Variants in CUL4B observed in about 807,000 individuals in gnomAD.
CUL4B encodes cullin 4B.
In CUL4B, 1 loss-of-function variant was observed where a neutral mutation model predicts 69.2. The ratio of observed to expected loss-of-function variants is 0.01; its 90% CI spans 0.01 to 0.07. The LOEUF (loss-of-function observed/expected upper bound fraction) is 0.07. CUL4B is among the 10% of genes least tolerant of loss of function. CUL4B has a pLI of 1.00. For missense variants in CUL4B, 328 were observed against 638.8 expected (o/e 0.51, Z 5.24); for synonymous variants, 237 against 223.2 (o/e 1.06, Z -0.55).
In CUL4B at chrX:120,555,696, C is replaced by T. The variant is rs768278886; in HGVS notation, c.672+2228G>A. ...GTGGCTCACACCTGTAATCCCAGCA[C>T]CTTGGGAGGTGGAGGCGGGTGGATC... On this transcript the variant is annotated intron_variant, in intron 2 of 19. Coordinates refer to ENST00000371322, the MANE Select transcript of CUL4B (RefSeq NM_001079872.2). 3.2e-3 allele frequency among the ~76,000 whole-genome samples: 355 copies of T among 110,122 alleles called. 1 individual carries two copies. The highest frequency in any genetic ancestry group is 0.011 in the African/African-American group (347 of 30,219).
chrX:120,543,072 T>G (rs1459177057), intron 8 of CUL4B, 39 bp from the exon 9 acceptor site: 1 of 952,095 alleles, frequency 1.1e-6, no homozygotes, highest in South Asian at 2.1e-5. Context: ...TATTGACGTT[T>G]GACTTCCAGA....
intron 14 of CUL4B, 120 bp downstream of exon 14, chrX:120,538,004 C>T (rs1923769984): frequency 1.9e-6 from 1 of 518,474 alleles, no homozygotes; most frequent in South Asian, 3.3e-5. Context: ...GTGAATATCA[C>T]CTCAGTTGCC....
Position 120,560,768 on chromosome X carries a change from G to A in CUL4B, c.-130C>T, listed in dbSNP as rs1173510838. Reference sequence around the variant, plus strand: ...AGAAGAGAGGAGAAACACAGAGGACGAGAAGGAAAGTGAAGGGGGGGGCTA... The same window carrying A: ...AGAAGAGAGGAGAAACACAGAGGACAAGAAGGAAAGTGAAGGGGGGGGCTA... On this transcript the variant is annotated 5_prime_UTR_variant, in exon 1 of 20. Coordinates refer to ENST00000371322, the MANE Select transcript of CUL4B (RefSeq NM_001079872.2). 12 of 690,558 alleles carry A rather than the reference G, an allele frequency of 1.7e-5. No individual in the cohort carries two copies. The highest frequency in any genetic ancestry group is 7.5e-4 in the Middle Eastern group (1 of 1,330). 56.9% of individuals were successfully genotyped at this position (690,558 alleles called of 1,213,427 possible).
chrX:120,544,027 G>C, intron 7 of CUL4B, 87 bp downstream of exon 7: 2 of 652,850 alleles, frequency 3.1e-6, no homozygotes, highest in Non-Finnish European at 5.0e-6. Context: ...ATGTTGGGAA[G>C]ATAAATGCAA....
At chrX:120,561,972 T>A (rs1228989410), upstream of CUL4B, among the ~76,000 whole-genome samples, 1 of 111,587 alleles carries the variant, frequency 9.0e-6, no homozygotes, top group Non-Finnish European at 1.9e-5. Flanking sequence ...TTCTCTTTCA[T>A]GTAGCTGTAA....
chrX:120,537,505 AG>A (rs376724471), intron 14 of CUL4B, among the ~76,000 whole-genome samples: 255 of 111,124 alleles, frequency 2.3e-3, no homozygotes, highest in African/African-American at 7.8e-3. Flanking sequence ...AGAGGGGAAA[AG>A]GGCAAAGCAG....
At chrX:120,553,866 C>T (rs1459583115) in intron 2 of CUL4B, among the ~76,000 whole-genome samples, 1 of 111,795 alleles carries the variant, frequency 8.9e-6, no homozygotes, top group East Asian at 2.8e-4. Flanking sequence ...AAAACTCACA[C>T]CAAAACCAAA....
In CUL4B at chrX:120,540,435, T is replaced by C; in HGVS notation, c.1571A>G (p.Asn524Ser). The C allele has an allele frequency of 8.3e-7, 1 of 1,208,595 alleles. No homozygotes were observed. The highest frequency in any genetic ancestry group is 1.1e-6 in the Non-Finnish European group (1 of 892,529). The change falls in exon 11 of 20, where the codon AAT becomes AGT. Residue 524 changes from asparagine (N) to serine (S), a missense_variant. Asn to Ser is a conservative substitution (Grantham distance 46). This residue lies in a region of CUL4B where 98 missense variants were observed against 296.8 expected (regional missense o/e 0.33). Coordinates refer to ENST00000371322, the MANE Select transcript of CUL4B (RefSeq NM_001079872.2). ...ICFLKNEKFINAMKEAFETFI... is the reference protein window; with the variant it reads ...ICFLKNEKFISAMKEAFETFI... ...CGTTTCAAATGCTTCTTTCATGGCA[T>C]TGATAAATTTCTCATTCTTCAGAAA... is the stretch of plus-strand genomic sequence containing the variant.
At chrX:120,544,065 G>C (rs376104143) in intron 7 of CUL4B, 49 bp downstream of exon 7, 69 of 785,116 alleles carry the variant, frequency 8.8e-5, no homozygotes, top group Non-Finnish European at 1.2e-4. Context: ...ACAAAGTAAG[G>C]TCTATTGTGA....
upstream of CUL4B, among the ~76,000 whole-genome samples, chrX:120,563,567 C>T (rs889654954): frequency 8.9e-6 from 1 of 112,273 alleles, no homozygotes; most frequent in African/African-American, 3.2e-5. Flanking sequence ...CCAGGAAAGA[C>T]ACCTTAATAC....
rs1924077634 is a variant in CUL4B, at chrX:120,542,848, C to T, written c.1324+118G>A. 13 of 519,232 alleles carry T rather than the reference C, an allele frequency of 2.5e-5. No individual in the cohort carries two copies. The South Asian group carries it at 3.4e-4, about 14-fold the overall frequency. 42.8% of individuals were successfully genotyped at this position (519,232 alleles called of 1,213,427 possible). ...TGTGATTAATAAGGATTGTGTCCAT[C>T]CTCAGAAATGCAGCCACATGCTATC... is the stretch of plus-strand genomic sequence containing the variant. On this transcript the variant is annotated intron_variant, in intron 9 of 19. Coordinates refer to ENST00000371322, the MANE Select transcript of CUL4B (RefSeq NM_001079872.2).
chrX:120,545,673 C>CAT, intron 4 of CUL4B, among the ~76,000 whole-genome samples, 156 bp from the exon 5 acceptor site: 1 of 111,143 alleles, frequency 9.0e-6, no homozygotes, highest in Middle Eastern at 4.7e-3. Flanking sequence ...AGAATATGCC[C>CAT]ATATAGTTTT....
chrX:120,527,445 T>C (rs1213144528), intron 19 of CUL4B, among the ~76,000 whole-genome samples: 1 of 110,375 alleles, frequency 9.1e-6, no homozygotes, highest in Non-Finnish European at 1.9e-5. Flanking sequence ...AGGGTCTTGC[T>C]ATGTCGCCCA....
Position 120,547,165 on chromosome X carries a change from G to A in CUL4B, c.747C>T (p.His249=), listed in dbSNP as rs781772074. 12 of 1,204,542 alleles carry A rather than the reference G, an allele frequency of 1.0e-5. No individual in the cohort carries two copies. Among genetic ancestry groups the A allele is most frequent in the Middle Eastern group, 2.5e-4 (1 of 3,938 alleles). The change falls in exon 3 of 20, where the codon CAC becomes CAT. Residue 249 remains histidine (H), a synonymous_variant. Coordinates refer to ENST00000371322, the MANE Select transcript of CUL4B (RefSeq NM_001079872.2). ...YKQLRQICED[H]IKAQIHQFRE... is the part of the protein sequence containing the mutation. ...TGAATTGATGAATCTGTGCTTTGAT[G>A]TGATCTTCGCAGATCTGTCTCAGCT... is the stretch of plus-strand genomic sequence containing the variant.
chrX:120,531,448 C>T (rs767244628), intron 18 of CUL4B, among the ~76,000 whole-genome samples: 13 of 108,568 alleles, frequency 1.2e-4, no homozygotes, highest in Admixed American at 2.0e-4. Context: ...AAATATTCAC[C>T]TTCCCTGTTT....
upstream of CUL4B, among the ~76,000 whole-genome samples, chrX:120,566,383 A>ATG (rs1925545094): frequency 1.5e-5 from 1 of 65,462 alleles, no homozygotes; most frequent in Admixed American, 1.8e-4. Flanking sequence ...ATATATATAT[A>ATG]TATATATGTA....
intron 16 of CUL4B, 123 bp downstream of exon 16, chrX:120,535,707 A>C: frequency 9.2e-5 from 19 of 207,075 alleles, no homozygotes; most frequent in Non-Finnish European, 1.1e-4. Flanking sequence ...TCTGTCTCAA[A>C]AAAAAAAAAA....
intron 2 of CUL4B, among the ~76,000 whole-genome samples, chrX:120,573,231 A>C (rs948150372): frequency 4.5e-5 from 5 of 111,290 alleles, no homozygotes; most frequent in Non-Finnish European, 9.4e-5. Context: ...TAGCTCTACA[A>C]TTTGCTTTTT....
chrX:120,537,733 T>C (rs1181107518), intron 14 of CUL4B, among the ~76,000 whole-genome samples: 2 of 111,569 alleles, frequency 1.8e-5, no homozygotes, highest in Non-Finnish European at 3.8e-5. Flanking sequence ...ACTGTGGATC[T>C]AGCTTTCTAT....
Sources: allele counts gnomAD v4.1 joint callset (sites outside exome capture counted in the v4.1 genomes callset), GRCh38; gene constraint gnomAD v4.1.1; regional missense constraint gnomAD v4.1.1; transcripts MANE v1.5; gene names NCBI Gene and HGNC (gene_info 2026-07-23, HGNC 2026-07-21).